The following TTC39C variants were observed in gnomAD, a reference collection of about 807,000 sequenced individuals.
TTC39C encodes the protein tetratricopeptide repeat domain 39C.
TTC39C carries 33 observed loss-of-function variants against 76.3 expected under a neutral mutation model. That is an observed-to-expected ratio of 0.43 (90% CI 0.33 to 0.58). The LOEUF (loss-of-function observed/expected upper bound fraction) is 0.58, where lower values mean the gene tolerates loss of function less well. Ranked by LOEUF, TTC39C falls within the 20% of genes least tolerant of loss-of-function variation. TTC39C has a pLI of 0.04. For synonymous variants in TTC39C, 254 were observed against 260.6 expected (o/e 0.97, Z 0.24); for missense variants, 595 against 701.4 (o/e 0.85, Z 1.71).
At chr18:24,000,383 A>G (rs1489286740) in intron 1 of TTC39C, 6 of 152,290 alleles carry the variant, frequency 3.9e-5, no homozygotes, top group African/African-American at 1.2e-4. Flanking sequence ...GAAGATGGCT[A>G]CCTACCAGCC....
chr18:24,086,671 C>T (rs565806840), intron 6 of TTC39C, among the ~76,000 whole-genome samples: 2 of 152,296 alleles, frequency 1.3e-5, no homozygotes, highest in African/African-American at 2.4e-5. Context: ...TCGCTGCCTC[C>T]GCTTCTCCCC....
At chr18:24,110,516 C>T (rs181023867) in intron 6 of TTC39C, among the ~76,000 whole-genome samples, 66 of 152,192 alleles carry the variant, frequency 4.3e-4, no homozygotes, top group Non-Finnish European at 8.1e-4. Context: ...AGAGAGAACT[C>T]CTAAGAGGAT....
At chr18:24,096,013 G>T (rs1406147271) in intron 6 of TTC39C, among the ~76,000 whole-genome samples, 2 of 152,190 alleles carry the variant, frequency 1.3e-5, no homozygotes, top group African/African-American at 4.8e-5. Context: ...TATCAACTAA[G>T]TTTGTTGTCT....
chr18:24,122,952 A>G lies in TTC39C; in HGVS notation c.1187-882A>G, dbSNP rs147992559. Among the ~76,000 whole-genome samples, 118 of 152,290 alleles carry G rather than the reference A, an allele frequency of 7.7e-4. 2 individuals carry two copies. The highest frequency in any genetic ancestry group is 1.5e-3 in the Non-Finnish European group (99 of 68,022). On this transcript the variant is annotated intron_variant, in intron 8 of 13. Coordinates refer to ENST00000317571, the MANE Select transcript of TTC39C (RefSeq NM_001135993.2). ...CATACATTGCAGCTTGTGGGACCCT[A>G]TGTGCGTGTGTGAGCATGTGTGATC...
intron 3 of TTC39C, 124 bp downstream of exon 3, chr18:24,066,264 G>A: frequency 8.1e-7 from 1 of 1,237,616 alleles, no homozygotes; most frequent in Non-Finnish European, 1.1e-6. Flanking sequence ...AAACCACAAT[G>A]TTTCTTATGG....
chr18:24,107,688 TTC>T (rs1304233050), intron 6 of TTC39C, among the ~76,000 whole-genome samples: 3 of 152,362 alleles, frequency 2.0e-5, no homozygotes, highest in Non-Finnish European at 2.9e-5. Flanking sequence ...TCCATTAAAC[TTC>T]TCTTTTTCGA....
chr18:24,065,087 G>A (rs1200415147), intron 2 of TTC39C, among the ~76,000 whole-genome samples: 2 of 152,230 alleles, frequency 1.3e-5, no homozygotes, highest in Non-Finnish European at 2.9e-5. Context: ...GGCTGAGTCT[G>A]GTGGTGGAGG....
chr18:24,008,051 A>T (rs1337883198), intron 1 of TTC39C, among the ~76,000 whole-genome samples: 2 of 152,212 alleles, frequency 1.3e-5, no homozygotes, highest in Admixed American at 6.5e-5. Context: ...AAAGAGATGA[A>T]GTAAAATTGC....
intron 2 of TTC39C, 133 bp downstream of exon 2, chr18:24,064,321 T>A: frequency 1.0e-6 from 1 of 988,786 alleles, no homozygotes; most frequent in Non-Finnish European, 1.4e-6. Context: ...ATAAAGTTTT[T>A]GCCTATTACC....
chr18:24,117,841 G>T (rs1251188375), intron 7 of TTC39C, among the ~76,000 whole-genome samples: 1 of 152,136 alleles, frequency 6.6e-6, no homozygotes, highest in Non-Finnish European at 1.5e-5. Flanking sequence ...CCTCACGACT[G>T]TTAGGACGTA....
At chr18:24,037,365 G>T (rs2083744754) in intron 1 of TTC39C, among the ~76,000 whole-genome samples, 1 of 152,162 alleles carries the variant, frequency 6.6e-6, no homozygotes, top group South Asian at 2.1e-4. Context: ...TAAGAATTTT[G>T]TCTGTTTTGC....
At chr18:24,028,352 C>A (rs1269552119) in intron 1 of TTC39C, among the ~76,000 whole-genome samples, 1 of 152,162 alleles carries the variant, frequency 6.6e-6, no homozygotes, top group East Asian at 1.9e-4. Context: ...TGGATCTGGG[C>A]TGGGCTTATA....
intron 6 of TTC39C, among the ~76,000 whole-genome samples, chr18:24,087,828 A>C (rs959475131): frequency 3.3e-5 from 5 of 151,928 alleles, no homozygotes; most frequent in Non-Finnish European, 7.4e-5. Context: ...TTATTTTGAA[A>C]CAGTCTCCTG....
At chr18:24,083,445 T>C (rs2084402218) in intron 6 of TTC39C, among the ~76,000 whole-genome samples, 1 of 152,240 alleles carries the variant, frequency 6.6e-6, no homozygotes, top group Non-Finnish European at 1.5e-5. Context: ...ACTTTGATCT[T>C]GGCTAACAAT....
chr18:24,051,146 C>G (rs572858502), intron 1 of TTC39C, among the ~76,000 whole-genome samples: 1 of 152,150 alleles, frequency 6.6e-6, no homozygotes, highest in Non-Finnish European at 1.5e-5. Context: ...TAGGAATGGA[C>G]TGTCCAGCCT....
At chr18:24,041,594 A>G (rs890953678) in intron 1 of TTC39C, among the ~76,000 whole-genome samples, 3 of 152,212 alleles carry the variant, frequency 2.0e-5, no homozygotes, top group Admixed American at 6.5e-5. Flanking sequence ...TAATCATGAA[A>G]TATTTTAGGG....
chr18:24,046,310 A>T (rs1046321635), intron 1 of TTC39C, among the ~76,000 whole-genome samples: 4 of 151,658 alleles, frequency 2.6e-5, no homozygotes, highest in Non-Finnish European at 5.9e-5. Context: ...TATCATCATG[A>T]TACAGTAACT....
At chr18:23,994,696 G>C (rs992599111) in intron 1 of TTC39C, among the ~76,000 whole-genome samples, 2 of 152,174 alleles carry the variant, frequency 1.3e-5, no homozygotes, top group Non-Finnish European at 2.9e-5. Flanking sequence ...CTGTATCTTG[G>C]ACGGCTGTTG....
chr18:24,018,916 C>T (rs2083487612), intron 1 of TTC39C, among the ~76,000 whole-genome samples: 1 of 152,156 alleles, frequency 6.6e-6, no homozygotes, highest in Admixed American at 6.5e-5. Context: ...CCATGTTTCC[C>T]ATGGTCGGTG....
Sources: allele counts gnomAD v4.1 joint callset (sites outside exome capture counted in the v4.1 genomes callset), GRCh38; gene constraint gnomAD v4.1.1; transcripts MANE v1.5; gene names NCBI Gene and HGNC (gene_info 2026-07-23, HGNC 2026-07-21).